PLA2G10: variants seen among roughly 807,000 people sequenced by gnomAD.
PLA2G10 encodes phospholipase A2 group X, also known as group 10 secretory phospholipase A2.
Under a neutral mutation model 7.9 loss-of-function variants are expected in PLA2G10, and 9 were observed. That is an observed-to-expected ratio of 1.14 (90% confidence interval 0.68 to 1.98). The LOEUF is 1.98. Ranked by LOEUF, PLA2G10 falls within the 30% of genes most tolerant of loss-of-function variation. The pLI, the probability that PLA2G10 is intolerant of heterozygous loss-of-function variation, is 0.00. For synonymous variants in PLA2G10, 19 were observed against 27.5 expected, an observed-to-expected ratio of 0.69 and a Z score of 0.97; for missense variants, 53 against 65.4, an observed-to-expected ratio of 0.81 and a Z score of 0.66.
intron 3 of PLA2G10, among the ~76,000 whole-genome samples, chr16:14,687,687 C>T (rs139271718): frequency 6.6e-6 from 1 of 151,772 alleles, no homozygotes; most frequent in Admixed American, 6.6e-5. Context: ...TTTTTCAAGT[C>T]CTCATTGTTA....
At chr16:14,678,125 C>T (rs1343318156) in intron 3 of PLA2G10, among the ~76,000 whole-genome samples, 3 of 152,136 alleles carry the variant, frequency 2.0e-5, no homozygotes, top group African/African-American at 4.8e-5. Context: ...GGAGGGGACT[C>T]TTGAGGAAGG....
intron 3 of PLA2G10, among the ~76,000 whole-genome samples, chr16:14,676,031 G>A (rs186423915): frequency 1.8e-4 from 28 of 151,420 alleles, no homozygotes; most frequent in Admixed American, 3.3e-4. Flanking sequence ...AACATAACTC[G>A]TCATCGGGGA....
At chr16:14,686,732 T>G (rs757381684) in intron 3 of PLA2G10, among the ~76,000 whole-genome samples, 1 of 152,006 alleles carries the variant, frequency 6.6e-6, no homozygotes, top group Non-Finnish European at 1.5e-5. Context: ...TGGCCTCAAG[T>G]GATCCACCTG....
intron 3 of PLA2G10, among the ~76,000 whole-genome samples, chr16:14,685,521 C>A (rs1188931482): frequency 6.6e-6 from 1 of 151,754 alleles, no homozygotes; most frequent in Non-Finnish European, 1.5e-5. Context: ...GTAAGTTTAC[C>A]AGGTGTTGGT....
intron 3 of PLA2G10, among the ~76,000 whole-genome samples, chr16:14,677,050 C>T (rs1960743039): frequency 6.6e-6 from 1 of 152,142 alleles, no homozygotes; most frequent in Non-Finnish European, 1.5e-5. Context: ...GCTCAGATTT[C>T]ACCACTATAC....
At chr16:14,677,766 GGATA>G (rs1960763110) in intron 3 of PLA2G10, among the ~76,000 whole-genome samples, 2 of 151,728 alleles carry the variant, frequency 1.3e-5, no homozygotes, top group South Asian at 2.1e-4. Flanking sequence ...ATGGATGGCT[GGATA>G]GATGGATGGT....
At chr16:14,684,293 C>T (rs375811812) in intron 3 of PLA2G10, among the ~76,000 whole-genome samples, 74 of 142,818 alleles carry the variant, frequency 5.2e-4, no homozygotes, top group African/African-American at 1.6e-3. Flanking sequence ...GCCGAGATCA[C>T]GCCATTGCAC....
intron 3 of PLA2G10, among the ~76,000 whole-genome samples, chr16:14,676,915 G>A (rs1295366175): frequency 6.6e-5 from 10 of 152,092 alleles, no homozygotes. Context: ...TGAGAGCTAA[G>A]CTATGGGGGG....
intron 3 of PLA2G10, among the ~76,000 whole-genome samples, chr16:14,687,634 T>C (rs941684215): frequency 1.7e-4 from 26 of 152,182 alleles, no homozygotes; most frequent in Non-Finnish European, 3.2e-4. Flanking sequence ...ATCTTCTTCC[T>C]TGTCGTCCAG....
chr16:14,687,782 AGGTG>A (rs1961133536), intron 3 of PLA2G10, among the ~76,000 whole-genome samples: 1 of 151,742 alleles, frequency 6.6e-6, no homozygotes, highest in Non-Finnish European at 1.5e-5. Context: ...AGAGCACTTG[AGGTG>A]GGGAGTTTGA....
chr16:14,674,571 T>C (rs1280655474), intron 3 of PLA2G10, among the ~76,000 whole-genome samples: 2 of 151,884 alleles, frequency 1.3e-5, no homozygotes, highest in Non-Finnish European at 2.9e-5. Context: ...CATGATGGTG[T>C]GTGCCTATAA....
At position 14,676,024 on chromosome 16, in the gene PLA2G10, A is replaced by G. The variant is rs189813106; in HGVS notation, c.356-3275T>C. Among the ~76,000 whole-genome samples, 24 of 152,276 alleles carry G rather than the reference A, an allele frequency of 1.6e-4. No individual in the cohort carries two copies. The East Asian group carries it at 4.0e-3, about 26-fold the overall frequency. ...ACCAGCAAATGAAAAAATGTTTAACATAACTCGTCATCGGGGAACTGCAAA... is the reference window on the plus strand; with the variant it reads ...ACCAGCAAATGAAAAAATGTTTAACGTAACTCGTCATCGGGGAACTGCAAA... On this transcript the variant is annotated intron_variant, in intron 3 of 3. Transcript: ENST00000438167.
chr16:14,687,532 C>T (rs144033066), intron 3 of PLA2G10, among the ~76,000 whole-genome samples: 190 of 151,998 alleles, frequency 1.3e-3, no homozygotes, highest in African/African-American at 4.5e-3. Flanking sequence ...TGTAGAGATG[C>T]ACTCCTGGCC....
intron 3 of PLA2G10, among the ~76,000 whole-genome samples, chr16:14,676,000 C>A (rs1055873439): frequency 6.7e-6 from 1 of 149,870 alleles, no homozygotes; most frequent in Admixed American, 6.7e-5. Context: ...ATATAAATGA[C>A]CAGCAAATGA....
At chr16:14,673,561 G>T (rs1960648425) in intron 3 of PLA2G10, among the ~76,000 whole-genome samples, 1 of 151,520 alleles carries the variant, frequency 6.6e-6, no homozygotes, top group Non-Finnish European at 1.5e-5. Context: ...GTAGAGATGG[G>T]GTTTTGCCAT....
chr16:14,673,920 A>G (rs1254251097), intron 3 of PLA2G10, among the ~76,000 whole-genome samples: 1 of 152,166 alleles, frequency 6.6e-6, no homozygotes, highest in Non-Finnish European at 1.5e-5. Flanking sequence ...AATAAAGGGC[A>G]TCCAAATGGG....
chr16:14,676,364 C>T (rs955338894), intron 3 of PLA2G10, among the ~76,000 whole-genome samples: 19 of 152,300 alleles, frequency 1.2e-4, no homozygotes, highest in Admixed American at 1.2e-3. Context: ...AACCTAAGTG[C>T]CCATCAACCA....
intron 3 of PLA2G10, among the ~76,000 whole-genome samples, chr16:14,687,118 C>CA (rs201828163): frequency 4.4e-4 from 65 of 147,836 alleles, no homozygotes; most frequent in Middle Eastern, 3.5e-3. Flanking sequence ...CAAAAAAAAA[C>CA]AAAAAAAAAT....
intron 3 of PLA2G10, among the ~76,000 whole-genome samples, chr16:14,685,908 C>T (rs1221608861): frequency 6.6e-6 from 1 of 151,340 alleles, no homozygotes; most frequent in Admixed American, 6.6e-5. Flanking sequence ...CTCCTGACCT[C>T]GTGATCCGCC....
Sources: allele counts gnomAD v4.1 joint callset (sites outside exome capture counted in the v4.1 genomes callset), GRCh38; gene constraint gnomAD v4.1.1; transcripts MANE v1.5; gene names NCBI Gene and HGNC (gene_info 2026-07-23, HGNC 2026-07-21).